The following CDC42 variants were observed in gnomAD, a reference collection of about 807,000 sequenced individuals.
CDC42 encodes cell division cycle 42.
CDC42 carries 1 observed loss-of-function variant against 20.8 expected under a neutral mutation model. The observed-to-expected ratio is 0.05, with a 90% CI of 0.02 to 0.23. The LOEUF (loss-of-function observed/expected upper bound fraction) is 0.23, where lower values mean the gene tolerates loss of function less well. CDC42 is among the 10% of genes least tolerant of loss of function. The pLI is 1.00. For missense variants in CDC42, 49 were observed against 227.9 expected (o/e 0.21, Z 5.05); for synonymous variants, 72 against 84.8 (o/e 0.85, Z 0.83).
intron 5 of CDC42, chr1:22,090,069 G>C: frequency 6.2e-7 from 1 of 1,608,830 alleles, no homozygotes; most frequent in Non-Finnish European, 8.5e-7. Context: ...GCTGCTTCCT[G>C]TCCCACTACT....
intron 5 of CDC42, among the ~76,000 whole-genome samples, chr1:22,089,745 C>G (rs1295462908): frequency 1.3e-5 from 2 of 152,160 alleles, no homozygotes; most frequent in Non-Finnish European, 2.9e-5. Context: ...CTCAGTTAAC[C>G]TTGCTTGAGG....
At position 22,081,893 on chromosome 1, in the gene CDC42, C is replaced by G. The variant is rs17837978; in HGVS notation, c.178+99C>G. 520 of 761,248 alleles carry G rather than the reference C, an allele frequency of 6.8e-4. 2 individuals are homozygous for G. The African/African-American group carries it at 8.0e-3, about 12-fold the overall frequency. 47.2% of individuals were successfully genotyped at this position (761,248 alleles called of 1,614,324 possible). On this transcript the variant is annotated intron_variant, in intron 3 of 5. Coordinates refer to ENST00000656825, the MANE Select transcript of CDC42 (RefSeq NM_001791.4). Reference sequence around the variant, plus strand: ...GAGAAACTAGCACATGAGCAAAGTACTTGCCTTTTGTTATTAGTTAGCAGG... The same window carrying G: ...GAGAAACTAGCACATGAGCAAAGTAGTTGCCTTTTGTTATTAGTTAGCAGG...
At chr1:22,090,655 A>G in intron 5 of CDC42, 1 of 985,478 alleles carries the variant, frequency 1.0e-6, no homozygotes, top group Non-Finnish European at 1.2e-6. Context: ...TAAGAATAAC[A>G]TCCATTTAAA....
At position 22,098,139 on chromosome 1, in the gene CDC42, G is replaced by T. The variant is rs1471449922; in HGVS notation, c.*6622G>T. Among the ~76,000 whole-genome samples, 2 of 152,090 alleles carry T rather than the reference G, an allele frequency of 1.3e-5. No homozygotes were observed. The highest frequency in any genetic ancestry group is 3.4e-3 in the Middle Eastern group (1 of 294). ...GTAGGATTTACTCTCAATCTTTAGG[G>T]GTAGAGACTAGGAGCCTACATTTTG... On this transcript the variant is annotated 3_prime_UTR_variant, in exon 6 of 6. Coordinates refer to ENST00000656825, the MANE Select transcript of CDC42 (RefSeq NM_001791.4).
chr1:22,076,555 T>G lies in CDC42; in HGVS notation c.-50-1874T>G, dbSNP rs375075632. The stretch of plus-strand genomic sequence containing the variant: ...AGTTACTTGCTGAGCCTCACTCTTC[T>G]TATCTGTAAAATAGGGATAATACAG... On this transcript the variant is annotated intron_variant, in intron 1 of 5. Coordinates refer to ENST00000656825, the MANE Select transcript of CDC42 (RefSeq NM_001791.4). 5.0e-4 allele frequency among the ~76,000 whole-genome samples: 76 copies of G among 152,336 alleles called. 1 individual carries two copies. The highest frequency in any genetic ancestry group is 1.7e-3 in the African/African-American group (72 of 41,582).
intron 2 of CDC42, among the ~76,000 whole-genome samples, chr1:22,079,386 G>T (rs1645586022): frequency 1.3e-5 from 2 of 151,970 alleles, no homozygotes; most frequent in Non-Finnish European, 2.9e-5. Context: ...TGATCCACCT[G>T]CCTCAGCCTC....
chr1:22,064,054 C>T (rs1645394118), intron 1 of CDC42: 1 of 150,920 alleles, frequency 6.6e-6, no homozygotes, highest in Admixed American at 6.7e-5. Flanking sequence ...AACATTTCAT[C>T]CTGTGGTGTA....
At chr1:22,090,271 A>G (rs1645702760) in intron 5 of CDC42, 1 of 1,195,444 alleles carries the variant, frequency 8.4e-7, no homozygotes, top group Non-Finnish European at 1.0e-6. Context: ...CCTGATGCTC[A>G]GAGCTTTTTG....
intron 1 of CDC42, among the ~76,000 whole-genome samples, chr1:22,058,479 T>C (rs1046730054): frequency 1.2e-5 from 1 of 83,648 alleles, no homozygotes; most frequent in African/African-American, 5.1e-5. Flanking sequence ...TAATGTGTTA[T>C]TTAAAGTTTT....
chr1:22,075,148 C>T lies in CDC42; in HGVS notation c.-50-3281C>T, dbSNP rs139697077. The stretch of plus-strand genomic sequence containing the variant: ...TGTGAAACTTTAGCATGAGTAACTC[C>T]GTTTTGATTTTTAGTCTGGTCACTT... On this transcript the variant is annotated intron_variant, in intron 1 of 5. Coordinates refer to ENST00000656825, the MANE Select transcript of CDC42 (RefSeq NM_001791.4). Among the ~76,000 whole-genome samples, 8 of 152,218 alleles carry T rather than the reference C, an allele frequency of 5.3e-5. No homozygotes were observed. The East Asian group carries it at 9.7e-4, about 18-fold the overall frequency.
At chr1:22,056,494 C>T (rs952693627) in intron 1 of CDC42, among the ~76,000 whole-genome samples, 10 of 152,082 alleles carry the variant, frequency 6.6e-5, no homozygotes, top group Non-Finnish European at 1.0e-4. Context: ...TAACTTTTAC[C>T]GCTTGTTCAC....
rs758860745 is a variant in CDC42 at position 22,086,422 on chromosome 1, ATTTTTC to A, written c.179-11_179-6del. ...ATTCAGTTGCTGAATTCTCTCCAAT[ATTTTTC>A]TTTTTTCTAGGGCAAGAGGATTATG... On this transcript the variant is annotated splice_polypyrimidine_tract_variant and intron_variant, in intron 3 of 5. Coordinates refer to ENST00000656825, the MANE Select transcript of CDC42 (RefSeq NM_001791.4). The A allele has an allele frequency of 8.4e-6, 13 of 1,542,210 alleles. No individual in the cohort carries two copies. The highest frequency in any genetic ancestry group is 4.4e-6 in the Non-Finnish European group (5 of 1,128,032).
chr1:22,062,013 A>C (rs767400881), intron 1 of CDC42, among the ~76,000 whole-genome samples: 1 of 151,878 alleles, frequency 6.6e-6, no homozygotes, highest in African/African-American at 2.4e-5. Context: ...ATCTTGGCTC[A>C]CTGCAACCTC....
chr1:22,072,836 C>T (rs1645507074), intron 1 of CDC42, among the ~76,000 whole-genome samples: 1 of 152,062 alleles, frequency 6.6e-6, no homozygotes, highest in Non-Finnish European at 1.5e-5. Context: ...CCAAATATTG[C>T]CAAATATTTG....
intron 5 of CDC42, chr1:22,090,558 C>G: frequency 1.0e-6 from 1 of 987,250 alleles, no homozygotes; most frequent in African/African-American, 1.7e-5. Flanking sequence ...GCTGTCTGTG[C>G]TGTAGTGGAG....
chr1:22,061,411 GAAA>G (rs150165231), intron 1 of CDC42, among the ~76,000 whole-genome samples: 9 of 136,384 alleles, frequency 6.6e-5, no homozygotes, highest in Admixed American at 7.4e-5. Flanking sequence ...TCTGTCTCAG[GAAA>G]AAAAAAAAAA....
In CDC42 at chr1:22,091,582, C is replaced by G. The variant is rs1645715639; in HGVS notation, c.*65C>G. 8.8e-7 allele frequency: 1 copy of G among 1,138,164 alleles called. No individual in the cohort carries two copies. The highest frequency in any genetic ancestry group is 1.6e-5 in the African/African-American group (1 of 63,868). The allele number at this position is 1,138,164 out of a possible 1,614,324, so 70.5% of individuals were successfully genotyped here. A position where few individuals can be genotyped will look rare whatever the true frequency, so the allele number is the denominator to read the frequency against. ...ATCATACTAAAAGCAATGTTTAAAT[C>G]AAACTAAAGATTAAAAATTAAAATT... On this transcript the variant is annotated 3_prime_UTR_variant, in exon 6 of 6. Transcript: ENST00000656825.
At chr1:22,055,250 G>T (rs1360235610) in intron 1 of CDC42, among the ~76,000 whole-genome samples, 2 of 151,648 alleles carry the variant, frequency 1.3e-5, no homozygotes, top group East Asian at 3.9e-4. Flanking sequence ...ACCGTGCCCG[G>T]CCTGAATTTA....
chr1:22,061,411 G>A (rs1645361480), intron 1 of CDC42, among the ~76,000 whole-genome samples: 2 of 136,388 alleles, frequency 1.5e-5, no homozygotes, highest in Non-Finnish European at 1.6e-5. Flanking sequence ...TCTGTCTCAG[G>A]AAAAAAAAAA....
Sources: gnomAD v4.1 joint callset for allele counts (sites outside exome capture counted in the v4.1 genomes callset) on GRCh38, gnomAD v4.1.1 for gene constraint, MANE v1.5 for transcripts, NCBI Gene and HGNC (gene_info 2026-07-23, HGNC 2026-07-21) for gene names.